BSPH1: variants seen among roughly 807,000 people sequenced by gnomAD.
BSPH1 encodes binder of sperm protein homolog 1.
Under a neutral mutation model 22.5 loss-of-function variants are expected in BSPH1, and 21 were observed. The ratio of observed to expected loss-of-function variants is 0.93; its 90% confidence interval spans 0.66 to 1.35. The LOEUF (loss-of-function observed/expected upper bound fraction) is 1.35. Ranked by LOEUF, BSPH1 falls within the 40% of genes most tolerant of loss-of-function variation. The probability of loss-of-function intolerance (pLI) is 0.00; values close to 1 mark genes in which losing one functional copy is unlikely to be tolerated. For missense variants in BSPH1, 141 were observed against 154.2 expected (o/e 0.91, Z 0.45); for synonymous variants, 42 against 53.6 (o/e 0.78, Z 0.95).
At chr19:47,976,689 C>T (rs1383522693) in intron 5 of BSPH1, 21 bp downstream of exon 5, 12 of 1,548,874 alleles carry the variant, frequency 7.7e-6, no homozygotes, top group Non-Finnish European at 9.6e-6. Context: ...GTCTTCATCC[C>T]CCTCCCCTGG....
chr19:47,970,748 T>G (rs1969304345), intron 5 of BSPH1, among the ~76,000 whole-genome samples: 2 of 152,310 alleles, frequency 1.3e-5, no homozygotes, highest in African/African-American at 4.8e-5. Flanking sequence ...CCTGTTCATG[T>G]GCCGTGATGT....
intron 1 of BSPH1, chr19:47,981,760 C>T (rs1969422152): frequency 2.1e-6 from 2 of 952,582 alleles, no homozygotes; most frequent in Non-Finnish European, 2.5e-6. Context: ...AGGAAACTGC[C>T]TGATAGCTTT....
chr19:47,985,934 C>G (rs1258690505), intron 1 of BSPH1, among the ~76,000 whole-genome samples: 1 of 152,024 alleles, frequency 6.6e-6, no homozygotes, highest in African/African-American at 2.4e-5. Context: ...GATCACTTTT[C>G]CAGAGGATGA....
At chr19:47,988,427 A>T (rs529499105) in intron 1 of BSPH1, among the ~76,000 whole-genome samples, 222 of 152,250 alleles carry the variant, frequency 1.5e-3, no homozygotes, top group African/African-American at 5.2e-3. Flanking sequence ...GTCTTGCTTG[A>T]GGCCACAGGC....
intron 5 of BSPH1, among the ~76,000 whole-genome samples, chr19:47,973,033 C>T (rs954847321): frequency 1.1e-4 from 16 of 151,626 alleles, no homozygotes; most frequent in African/African-American, 2.9e-4. Context: ...CTGGCTAACA[C>T]GGTGAAACCC....
intron 5 of BSPH1, among the ~76,000 whole-genome samples, chr19:47,975,572 C>T (rs1187122183): frequency 2.0e-5 from 3 of 152,112 alleles, no homozygotes; most frequent in Admixed American, 6.6e-5. Flanking sequence ...TATCTCCACA[C>T]CTGTATTCCT....
chr19:47,976,597 C>CA lies in BSPH1; in HGVS notation c.*2+112dup, dbSNP rs1162262236. The CA allele has an allele frequency of 2.8e-3, 888 of 313,830 alleles. 12 individuals carry two copies. The highest frequency in any genetic ancestry group is 0.017 in the South Asian group (420 of 25,382). 19.4% of individuals were successfully genotyped at this position (313,830 alleles called of 1,614,324 possible). A position where few individuals can be genotyped will look rare whatever the true frequency, so the allele number is the denominator to read the frequency against. The stretch of plus-strand genomic sequence containing the variant: ...TCACATCCCAGAAAAAAAAAAAAAA[C>CA]AAAAAAAAACCCTCTCTAATGAGAA... On this transcript the variant is annotated intron_variant, in intron 5 of 5. Transcript: ENST00000344839.
At chr19:47,971,844 A>G (rs1969313500) in intron 5 of BSPH1, among the ~76,000 whole-genome samples, 1 of 152,194 alleles carries the variant, frequency 6.6e-6, no homozygotes, top group Non-Finnish European at 1.5e-5. Flanking sequence ...GTCTTGTTTT[A>G]TTGTGCAAGA....
At chr19:47,969,961 TTTTAGAATTTATGTTTGTGAGAGAGAGAC>T (rs924716325) in intron 5 of BSPH1, among the ~76,000 whole-genome samples, 2 of 129,818 alleles carry the variant, frequency 1.5e-5, no homozygotes, top group Non-Finnish European at 3.4e-5. Flanking sequence ...TGAGAGAGAC[TTTTAGAATTTATGTTTGTGAGAGAGAGAC>T]TTTAGAATTT....
At chr19:47,979,245 T>C (rs932024431) in intron 3 of BSPH1, among the ~76,000 whole-genome samples, 10 of 152,128 alleles carry the variant, frequency 6.6e-5, no homozygotes, top group Admixed American at 1.3e-4. Context: ...TATGTCTACA[T>C]ATCTGATGAG....
intron 4 of BSPH1, 101 bp downstream of exon 4, chr19:47,977,272 G>A: frequency 1.2e-6 from 1 of 824,862 alleles, no homozygotes. Context: ...AACTTAATTG[G>A]CTATGGATTC....
At chr19:47,971,960 T>A (rs1250907549) in intron 5 of BSPH1, among the ~76,000 whole-genome samples, 1 of 152,120 alleles carries the variant, frequency 6.6e-6, no homozygotes, top group Non-Finnish European at 1.5e-5. Context: ...CTGAAAAGTC[T>A]TTAGAAATTT....
intron 1 of BSPH1, among the ~76,000 whole-genome samples, chr19:47,985,222 A>T (rs1969459940): frequency 6.6e-6 from 1 of 152,148 alleles, no homozygotes; most frequent in African/African-American, 2.4e-5. Context: ...CTAAAATAAA[A>T]TTTTTTAAAA....
At chr19:47,967,355 A>T (rs540674618), downstream of BSPH1, among the ~76,000 whole-genome samples, 2 of 152,234 alleles carry the variant, frequency 1.3e-5, no homozygotes, top group African/African-American at 4.8e-5. Context: ...AGTAAGCTGC[A>T]TGCTGCTGTC....
At chr19:47,984,905 T>C (rs894056424) in intron 1 of BSPH1, among the ~76,000 whole-genome samples, 4 of 151,478 alleles carry the variant, frequency 2.6e-5, no homozygotes, top group Non-Finnish European at 5.9e-5. Context: ...TGAAATCCCG[T>C]CTCTACTAAA....
At chr19:47,969,694 A>AGG (rs1363207827) in intron 5 of BSPH1, among the ~76,000 whole-genome samples, 2 of 91,484 alleles carry the variant, frequency 2.2e-5, no homozygotes, top group East Asian at 4.1e-4. Flanking sequence ...GGAGAGAGAG[A>AGG]GAGAGAGAGA....
At chr19:47,971,895 C>G (rs2122238460) in intron 5 of BSPH1, among the ~76,000 whole-genome samples, 1 of 152,288 alleles carries the variant, frequency 6.6e-6, no homozygotes, top group East Asian at 1.9e-4. Context: ...ACCAATGTGT[C>G]TTGTTCATTG....
chr19:47,977,563 C>CGACT (rs1469341835), intron 3 of BSPH1, 59 bp from the exon 4 acceptor site: 2 of 1,533,632 alleles, frequency 1.3e-6, no homozygotes, highest in African/African-American at 2.8e-5. Flanking sequence ...GGTTATCAAG[C>CGACT]GACTGTCTTC....
intron 3 of BSPH1, among the ~76,000 whole-genome samples, chr19:47,978,307 G>T (rs962471676): frequency 2.0e-5 from 3 of 151,932 alleles, no homozygotes; most frequent in African/African-American, 7.3e-5. Context: ...ATCTCACTAT[G>T]TTGGCCAGGG....
Sources: allele counts gnomAD v4.1 joint callset (sites outside exome capture counted in the v4.1 genomes callset), GRCh38; gene constraint gnomAD v4.1.1; transcripts MANE v1.5; gene names NCBI Gene and HGNC (gene_info 2026-07-23, HGNC 2026-07-21).